PAX2: variants seen among roughly 807,000 people sequenced by gnomAD.
The protein encoded by PAX2 is paired box 2, also known as paired box protein Pax-2.
PAX2 carries 9 observed loss-of-function variants against 41.7 expected under a neutral mutation model. The ratio of observed to expected loss-of-function variants is 0.22; its 90% CI spans 0.13 to 0.38. PAX2 has a LOEUF of 0.38. Among genes scored for constraint, PAX2 ranks in the 10% least tolerant of loss-of-function variants. PAX2 has a pLI of 1.00. For synonymous variants in PAX2, 221 were observed against 212.7 expected (o/e 1.04, Z -0.34); for missense variants, 418 against 531.6 (o/e 0.79, Z 2.10).
At position 100,745,962 on chromosome 10, in the gene PAX2, G is replaced by T. The variant is rs1213600441; in HGVS notation, c.-299G>T. ...TGGCTGCAGCTGCAGCGCGAGCCAT[G>T]CGCCCCCAGTGCACCCCGGCCCGGC... is the stretch of plus-strand genomic sequence containing the variant. On this transcript the variant is annotated 5_prime_UTR_variant, in exon 1 of 10. The change abolishes an upstream ATG in the 5' untranslated region. Coordinates refer to ENST00000355243, the MANE Select transcript of PAX2 (RefSeq NM_000278.5). 7.7e-7 allele frequency: 1 copy of T among 1,299,038 alleles called. No individual in the cohort carries two copies. Among genetic ancestry groups the T allele is most frequent in the African/African-American group, 1.6e-5 (1 of 63,812 alleles). 80.5% of individuals were successfully genotyped at this position (1,299,038 alleles called of 1,614,324 possible). A position where few individuals can be genotyped will look rare whatever the true frequency, so the allele number is the denominator to read the frequency against.
chr10:100,762,654 A>C (rs527770568), intron 3 of PAX2, among the ~76,000 whole-genome samples: 134 of 152,286 alleles, frequency 8.8e-4, no homozygotes, highest in African/African-American at 3.1e-3. Context: ...TGGATAAGGA[A>C]GTTGTAAATA....
chr10:100,750,517 C>T lies in PAX2; in HGVS notation c.213-177C>T, dbSNP rs551256533. On this transcript the variant is annotated intron_variant, in intron 2 of 9. Transcript: ENST00000355243. The surrounding 1 kb of genome is among the most constrained non-coding windows in gnomAD (Gnocchi z 4.1). ...GATGGTACCCCTTGTCCTCCTACTC[C>T]GCGGCGCTCCTCCTAGCCAGGCACC... Among the ~76,000 whole-genome samples, 29 of 152,320 alleles carry T rather than the reference C, an allele frequency of 1.9e-4. No homozygotes were observed. Among genetic ancestry groups the T allele is most frequent in the African/African-American group, 6.0e-4 (25 of 41,574 alleles).
chr10:100,796,658 A>G (rs1200824638), intron 5 of PAX2, among the ~76,000 whole-genome samples: 1 of 152,166 alleles, frequency 6.6e-6, no homozygotes, highest in African/African-American at 2.4e-5. Flanking sequence ...ATCCCTGGCC[A>G]TGTCTTTCCC....
At chr10:100,749,547 C>T in intron 1 of PAX2, 199 bp from the exon 2 acceptor site, 1 of 1,372,524 alleles carries the variant, frequency 7.3e-7, no homozygotes, top group South Asian at 1.9e-5. Context: ...GCCCAGCCCC[C>T]AGTCTTCAGC....
chr10:100,770,620 T>C (rs1326202763), intron 3 of PAX2, among the ~76,000 whole-genome samples: 1 of 152,244 alleles, frequency 6.6e-6, no homozygotes, highest in East Asian at 1.9e-4. Context: ...GTCTCTGGCC[T>C]GGGCTCTCAG....
At chr10:100,818,947 C>G (rs1220295354) in intron 7 of PAX2, among the ~76,000 whole-genome samples, 1 of 152,154 alleles carries the variant, frequency 6.6e-6, no homozygotes, top group African/African-American at 2.4e-5. Flanking sequence ...TATTTCTCAT[C>G]TATAGAATGG....
At chr10:100,774,290 A>C (rs1846310806) in intron 3 of PAX2, among the ~76,000 whole-genome samples, 1 of 152,074 alleles carries the variant, frequency 6.6e-6, no homozygotes, top group East Asian at 1.9e-4. Flanking sequence ...CGGGAATTTA[A>C]CCAGTAAGGG....
chr10:100,827,577 C>T lies in PAX2; in HGVS notation c.1143C>T (p.Gly381=). The stretch of plus-strand genomic sequence containing the variant: ...ATTATTATAGTGCCGCCCCCCGGGG[C>T]TCCGCCCCTGCCGCTGCTGCCGCTG... ...SPYYYSAAPR[G]SAPAAAAAAY... is the part of the protein sequence containing the mutation. Residue 381 remains glycine, a synonymous_variant, in exon 10 of 10, where the codon GGC becomes GGT. Coordinates refer to ENST00000355243, the MANE Select transcript of PAX2 (RefSeq NM_000278.5). This position sits in a 1 kb window ranked among gnomAD's most constrained non-coding sequence, Gnocchi z 8.5. The T allele has an allele frequency of 1.2e-6, 2 of 1,613,586 alleles. No homozygotes were observed. Among genetic ancestry groups the T allele is most frequent in the Non-Finnish European group, 8.5e-7 (1 of 1,179,768 alleles).
At chr10:100,789,079 G>A (rs1846995766) in intron 5 of PAX2, among the ~76,000 whole-genome samples, 1 of 152,148 alleles carries the variant, frequency 6.6e-6, no homozygotes, top group African/African-American at 2.4e-5. Context: ...TATGTTGGTA[G>A]GGGGCAGCTG....
At chr10:100,737,447 C>A (rs1752786279) in intron 1 of PAX2, among the ~76,000 whole-genome samples, 2 of 152,272 alleles carry the variant, frequency 1.3e-5, no homozygotes, top group African/African-American at 4.8e-5. Flanking sequence ...CGGCCAGCGG[C>A]CCGACTCCGC....
exon 1 of PAX2, chr10:100,735,715 G>C: frequency 1.2e-5 from 13 of 1,050,662 alleles, no homozygotes; most frequent in Non-Finnish European, 1.5e-5. Context: ...TAGCATGGAA[G>C]AGCGCGCGGG....
chr10:100,824,258 C>T lies in PAX2; in HGVS notation c.920-390C>T, dbSNP rs967595736. Among the ~76,000 whole-genome samples, 2 of 151,872 alleles carry T rather than the reference C, an allele frequency of 1.3e-5. No homozygotes were observed. Among genetic ancestry groups the T allele is most frequent in the African/African-American group, 2.4e-5 (1 of 41,380 alleles). On this transcript the variant is annotated intron_variant, in intron 7 of 9. Coordinates refer to ENST00000355243, the MANE Select transcript of PAX2 (RefSeq NM_000278.5). The surrounding 1 kb of genome is among the most constrained non-coding windows in gnomAD (Gnocchi z 6.6). ...CATTTGGCTGCTGGAGAGACCACAG[C>T]TGAATATCTTGCTGAGAAGGAGGAG...
upstream of PAX2, among the ~76,000 whole-genome samples, chr10:100,743,435 T>C (rs1301497961): frequency 7.1e-6 from 1 of 140,890 alleles, no homozygotes; most frequent in Non-Finnish European, 1.6e-5. Flanking sequence ...AGGGGGGGGG[T>C]TTACTCACAG....
At chr10:100,775,134 T>A (rs559821555) in intron 3 of PAX2, among the ~76,000 whole-genome samples, 2 of 152,142 alleles carry the variant, frequency 1.3e-5, no homozygotes, top group African/African-American at 4.8e-5. Flanking sequence ...CCTCCAGGGA[T>A]CTATATCCAG....
At chr10:100,802,340 G>A (rs1232176411) in intron 5 of PAX2, among the ~76,000 whole-genome samples, 1 of 152,192 alleles carries the variant, frequency 6.6e-6, no homozygotes, top group East Asian at 1.9e-4. Flanking sequence ...CACCTGCTTT[G>A]GATGGCAGCT....
rs1404446960 is a variant in PAX2 at position 100,827,687 on chromosome 10, C to T, written c.*68C>T. 6.2e-7 allele frequency: 1 copy of T among 1,612,932 alleles called. No individual in the cohort carries two copies. The highest frequency in any genetic ancestry group is 1.1e-5 in the South Asian group (1 of 91,012). On this transcript the variant is annotated 3_prime_UTR_variant, in exon 10 of 10. Coordinates refer to ENST00000355243, the MANE Select transcript of PAX2 (RefSeq NM_000278.5). The surrounding 1 kb of genome is among the most constrained non-coding windows in gnomAD (Gnocchi z 8.5). ...CCTCCACATCGTCCCCGTCTGACCCCACCCCGGAGGGAGGGAGGACCGACG... is the reference window on the plus strand; with the variant it reads ...CCTCCACATCGTCCCCGTCTGACCCTACCCCGGAGGGAGGGAGGACCGACG...
At chr10:100,768,531 T>C (rs1215180880) in intron 3 of PAX2, among the ~76,000 whole-genome samples, 1 of 152,222 alleles carries the variant, frequency 6.6e-6, no homozygotes, top group Non-Finnish European at 1.5e-5. Flanking sequence ...TGGGAGAGGA[T>C]AAGCGTGTTT....
chr10:100,738,744 G>A (rs920622725), intron 1 of PAX2, among the ~76,000 whole-genome samples: 1 of 152,096 alleles, frequency 6.6e-6, no homozygotes, highest in Non-Finnish European at 1.5e-5. Flanking sequence ...TTCTTTTTTA[G>A]GAACAGTTAC....
intron 6 of PAX2, among the ~76,000 whole-genome samples, chr10:100,807,381 C>A (rs985449322): frequency 7.4e-5 from 11 of 149,098 alleles, no homozygotes; most frequent in African/African-American, 2.7e-4. Context: ...CACACACCAC[C>A]GCCCACCTGC....
Sources: allele counts gnomAD v4.1 joint callset (sites outside exome capture counted in the v4.1 genomes callset), GRCh38; gene constraint gnomAD v4.1.1; non-coding constraint Gnocchi (gnomAD v3.1); transcripts MANE v1.5; gene names NCBI Gene and HGNC (gene_info 2026-07-23, HGNC 2026-07-21).